The following TMEM63C variants were observed in gnomAD, a reference collection of about 807,000 sequenced individuals.
The protein encoded by TMEM63C is transmembrane protein 63C.
TMEM63C carries 32 observed loss-of-function variants against 99.2 expected under a neutral mutation model. That is an observed-to-expected ratio of 0.32 (90% CI 0.24 to 0.43). The LOEUF (loss-of-function observed/expected upper bound fraction) is 0.43. Ranked by LOEUF, TMEM63C falls within the 20% of genes least tolerant of loss-of-function variation. The probability of loss-of-function intolerance (pLI) is 1.00; values close to 1 mark genes in which losing one functional copy is unlikely to be tolerated. For missense variants in TMEM63C, 826 were observed against 1,053.0 expected (o/e 0.78, Z 2.98); for synonymous variants, 376 against 397.9 (o/e 0.94, Z 0.66).
intron 1 of TMEM63C, among the ~76,000 whole-genome samples, chr14:77,184,347 A>T (rs11628257): frequency 0.14 from 20,948 of 151,892 alleles, 1,717 homozygotes; most frequent in African/African-American, 0.23. Flanking sequence ...AACATATTTA[A>T]CAGGATGTTC....
chr14:77,187,501 GGCTC>G (rs1888022902), intron 1 of TMEM63C, among the ~76,000 whole-genome samples: 2 of 152,190 alleles, frequency 1.3e-5, no homozygotes, highest in African/African-American at 4.8e-5. Context: ...GCCAGGCCCA[GGCTC>G]CACACTCCAT....
At chr14:77,197,083 A>G (rs1594850202) in intron 1 of TMEM63C, among the ~76,000 whole-genome samples, 1 of 152,236 alleles carries the variant, frequency 6.6e-6, no homozygotes, top group East Asian at 1.9e-4. Context: ...ATTAATAAAT[A>G]AATCTTTGAG....
Position 77,256,917 on chromosome 14 carries a change from T to C in TMEM63C, c.*191T>C, listed in dbSNP as rs1421331873. The C allele has an allele frequency of 3.4e-6, 2 of 596,556 alleles. No individual in the cohort carries two copies. Among genetic ancestry groups the C allele is most frequent in the African/African-American group, 1.9e-5 (1 of 53,758 alleles). The allele number at this position is 596,556 out of a possible 1,614,324, so 37.0% of individuals were successfully genotyped here. A position where few individuals can be genotyped will look rare whatever the true frequency, so the allele number is the denominator to read the frequency against. On this transcript the variant is annotated 3_prime_UTR_variant, in exon 24 of 24. Coordinates refer to ENST00000298351, the MANE Select transcript of TMEM63C (RefSeq NM_020431.4). Reference sequence around the variant, plus strand: ...CCTGCTGCCCGGCTGGAACTGGGGGTGCTCGGCAGTGCTGAAGGAGCCTGG... The same window carrying C: ...CCTGCTGCCCGGCTGGAACTGGGGGCGCTCGGCAGTGCTGAAGGAGCCTGG...
intron 21 of TMEM63C, 57 bp downstream of exon 21, chr14:77,249,515 TC>T (rs1044909213): frequency 1.4e-5 from 22 of 1,581,906 alleles, no homozygotes; most frequent in Non-Finnish European, 1.9e-5. Flanking sequence ...GTTCTGTGAG[TC>T]CCTTAACACT....
intron 8 of TMEM63C, among the ~76,000 whole-genome samples, chr14:77,235,367 G>T (rs539708174): frequency 1.5e-5 from 2 of 137,164 alleles, no homozygotes; most frequent in African/African-American, 5.7e-5. Context: ...GGTGAGAGGG[G>T]AGGATCCAGG....
chr14:77,228,297 C>G (rs1206985175), intron 6 of TMEM63C, among the ~76,000 whole-genome samples: 2 of 152,128 alleles, frequency 1.3e-5, no homozygotes, highest in African/African-American at 4.8e-5. Context: ...CTGTCCAGCC[C>G]TCTGCTCTCT....
chr14:77,242,810 C>A, intron 14 of TMEM63C, 93 bp from the exon 15 acceptor site: 2 of 1,469,486 alleles, frequency 1.4e-6, no homozygotes, highest in Non-Finnish European at 1.9e-6. Flanking sequence ...TAGACCAGGG[C>A]AGGCTGGGTC....
intron 1 of TMEM63C, among the ~76,000 whole-genome samples, chr14:77,203,084 A>C (rs1209648603): frequency 6.6e-6 from 1 of 152,180 alleles, no homozygotes; most frequent in Non-Finnish European, 1.5e-5. Context: ...AAAATTCAAA[A>C]AGCAATAAAG....
chr14:77,183,132 A>C (rs1887941739), intron 1 of TMEM63C, among the ~76,000 whole-genome samples: 1 of 152,126 alleles, frequency 6.6e-6, no homozygotes, highest in Non-Finnish European at 1.5e-5. Context: ...TGAGGCAAGG[A>C]GAGAGCGACA....
intron 2 of TMEM63C, among the ~76,000 whole-genome samples, chr14:77,214,123 G>C (rs541767321): frequency 6.6e-6 from 1 of 152,136 alleles, no homozygotes; most frequent in African/African-American, 2.4e-5. Flanking sequence ...ACCTTTCCAT[G>C]GTGCCCCCTG....
At chr14:77,202,845 A>ACACACC (rs1231062498) in intron 1 of TMEM63C, among the ~76,000 whole-genome samples, 3 of 126,588 alleles carry the variant, frequency 2.4e-5, no homozygotes, top group African/African-American at 9.0e-5. Flanking sequence ...ACACACACAC[A>ACACACC]CACACACACA....
intron 6 of TMEM63C, among the ~76,000 whole-genome samples, chr14:77,229,613 A>AATATATATATATATATATAT (rs149146698): frequency 1.7e-4 from 20 of 117,970 alleles, no homozygotes; most frequent in Middle Eastern, 4.3e-3. Flanking sequence ...ACACCCAGCT[A>AATATATATATATATATATAT]ATATATATAT....
intron 5 of TMEM63C, among the ~76,000 whole-genome samples, chr14:77,221,359 T>C (rs1416288289): frequency 2.1e-5 from 1 of 47,850 alleles, no homozygotes; most frequent in East Asian, 8.6e-4. Context: ...CACTCACGCC[T>C]CCCCTCCCAC....
intron 1 of TMEM63C, among the ~76,000 whole-genome samples, chr14:77,185,948 C>T (rs964101951): frequency 2.0e-5 from 3 of 151,670 alleles, no homozygotes; most frequent in Admixed American, 6.6e-5. Flanking sequence ...TCCATTTGCT[C>T]GTCCCTCTGC....
chr14:77,240,949 TTTTTTTTTTTTTTC>T (rs1264051358), intron 13 of TMEM63C, among the ~76,000 whole-genome samples: 56 of 47,356 alleles, frequency 1.2e-3, no homozygotes, highest in African/African-American at 5.2e-3. Context: ...TTTTTTTTCT[TTTTTTTTTTTTTTC>T]TTTTTTTGAG....
chr14:77,226,849 C>T (rs941268785), intron 6 of TMEM63C, among the ~76,000 whole-genome samples: 7 of 151,340 alleles, frequency 4.6e-5, no homozygotes, highest in Non-Finnish European at 8.8e-5. Flanking sequence ...CTCACTGCAA[C>T]CTCCGCCTCC....
chr14:77,184,531 A>C (rs1887965831), intron 1 of TMEM63C, among the ~76,000 whole-genome samples: 1 of 152,172 alleles, frequency 6.6e-6, no homozygotes, highest in African/African-American at 2.4e-5. Flanking sequence ...GTTTGCACAG[A>C]GCGTCCAGTT....
chr14:77,183,705 G>A (rs1353572777), intron 1 of TMEM63C, among the ~76,000 whole-genome samples: 3 of 152,196 alleles, frequency 2.0e-5, no homozygotes, highest in Non-Finnish European at 4.4e-5. Flanking sequence ...CACCCTCTGA[G>A]CACAGAACCC....
At chr14:77,226,807 C>T (rs1888836845) in intron 6 of TMEM63C, among the ~76,000 whole-genome samples, 1 of 148,178 alleles carries the variant, frequency 6.7e-6, no homozygotes, top group Non-Finnish European at 1.5e-5. Context: ...ATCTCTCTGT[C>T]ACCAGGGTGA....
Sources: allele counts gnomAD v4.1 joint callset (sites outside exome capture counted in the v4.1 genomes callset), GRCh38; gene constraint gnomAD v4.1.1; transcripts MANE v1.5; gene names NCBI Gene and HGNC (gene_info 2026-07-23, HGNC 2026-07-21).